Variants in PHACTR2 observed in about 807,000 individuals in gnomAD.
PHACTR2 encodes the protein phosphatase and actin regulator 2.
PHACTR2 carries 30 observed loss-of-function variants against 76.0 expected under a neutral mutation model. That is an observed-to-expected ratio of 0.39 (90% CI 0.30 to 0.54). PHACTR2 has a LOEUF of 0.54. PHACTR2 is among the 20% of genes least tolerant of loss of function. PHACTR2 has a pLI of 0.61. For synonymous variants in PHACTR2, 292 were observed against 292.5 expected (o/e 1.00, Z 0.02); for missense variants, 696 against 781.1 (o/e 0.89, Z 1.30).
rs977386387 is a variant in PHACTR2 at position 143,541,244 on chromosome 6, C to A, written c.217+4037C>A. On this transcript the variant is annotated intron_variant, in intron 1 of 11. Coordinates refer to the PHACTR2 transcript ENST00000367584. This position sits in a 1 kb window ranked among gnomAD's most constrained non-coding sequence, Gnocchi z 5.3. Reference sequence around the variant, plus strand: ...GTTCGGTATTAAGGAGCTTTGATAACTTTTTAGTGGTTTCTGATGTGCTGT... The same window carrying A: ...GTTCGGTATTAAGGAGCTTTGATAAATTTTTAGTGGTTTCTGATGTGCTGT... 6.6e-6 allele frequency among the ~76,000 whole-genome samples: 1 copy of A among 152,114 alleles called. No individual in the cohort carries two copies. Among genetic ancestry groups the A allele is most frequent in the Non-Finnish European group, 1.5e-5 (1 of 68,024 alleles).
chr6:143,608,473 G>A lies in PHACTR2; in HGVS notation c.13+151G>A. On this transcript the variant is annotated intron_variant, in intron 1 of 11. Transcript: ENST00000305766. The surrounding 1 kb of genome is among the most constrained non-coding windows in gnomAD (Gnocchi z 4.6). ...TGTAATATGTGAACCCCGATGCATT[G>A]TCCACAAGACAATTAGTGTTTACTT... 9.3e-6 allele frequency: 7 copies of A among 756,336 alleles called. No individual in the cohort carries two copies. Among genetic ancestry groups the A allele is most frequent in the Middle Eastern group, 3.2e-4 (1 of 3,148 alleles). The allele number at this position is 756,336 out of a possible 1,614,324, so 46.9% of individuals were successfully genotyped here. A position where few individuals can be genotyped will look rare whatever the true frequency, so the allele number is the denominator to read the frequency against.
In PHACTR2 at chr6:143,767,314, GT is replaced by G. The variant is rs144263561; in HGVS notation, c.1232+1520del. On this transcript the variant is annotated intron_variant, in intron 6 of 12. Coordinates refer to ENST00000440869, the MANE Select transcript of PHACTR2 (RefSeq NM_001100164.2). This position sits in a 1 kb window ranked among gnomAD's most constrained non-coding sequence, Gnocchi z 4.4. ...CCATGCTCTGAATGAATAATTTCAT[GT>G]TTTCCAAAGCAGTGGCTTCTACTTC... Among the ~76,000 whole-genome samples, 1,144 of 152,200 alleles carry G rather than the reference GT, an allele frequency of 7.5e-3. 12 individuals carry two copies. The highest frequency in any genetic ancestry group is 0.027 in the African/African-American group (1,102 of 41,542).
At position 143,755,492 on chromosome 6, in the gene PHACTR2, T is replaced by C. The variant is rs1779277796; in HGVS notation, c.454+1580T>C. 2 of 386,016 alleles carry C rather than the reference T, an allele frequency of 5.2e-6. No individual in the cohort carries two copies. Among genetic ancestry groups the C allele is most frequent in the Non-Finnish European group, 5.2e-6 (1 of 193,912 alleles). The allele number at this position is 386,016 out of a possible 1,614,324, so 23.9% of individuals were successfully genotyped here. On this transcript the variant is annotated intron_variant, in intron 4 of 12. Transcript: ENST00000440869. This position sits in a 1 kb window ranked among gnomAD's most constrained non-coding sequence, Gnocchi z 5.2. ...CATAATAAAAAGTTCCTGACAGTTT[T>C]ATATGAATTAACCAACAGACCTTGA... is the stretch of plus-strand genomic sequence containing the variant.
rs187950606 is a variant in PHACTR2, at chr6:143,800,070, T to G, written c.1846-6987T>G. On this transcript the variant is annotated intron_variant, in intron 11 of 12. Coordinates refer to ENST00000440869, the MANE Select transcript of PHACTR2 (RefSeq NM_001100164.2). The surrounding 1 kb of genome is among the most constrained non-coding windows in gnomAD (Gnocchi z 4.8). Reference sequence around the variant, plus strand: ...CTTTATGAATCTGGTGCTCGTGTACTGGATGCATATATATTTAGGATAGTT... The same window carrying G: ...CTTTATGAATCTGGTGCTCGTGTACGGGATGCATATATATTTAGGATAGTT... 6.6e-6 allele frequency among the ~76,000 whole-genome samples: 1 copy of G among 152,358 alleles called. No individual in the cohort carries two copies. The highest frequency in any genetic ancestry group is 2.4e-5 in the African/African-American group (1 of 41,586).
intron 9 of PHACTR2, among the ~76,000 whole-genome samples, chr6:143,779,710 T>A (rs1384811706): frequency 3.3e-5 from 5 of 151,962 alleles, no homozygotes; most frequent in Non-Finnish European, 7.4e-5. Flanking sequence ...CATTCAACAA[T>A]TTTTAGAGCC....
intron 1 of PHACTR2, among the ~76,000 whole-genome samples, chr6:143,642,534 A>T (rs1007024500): frequency 1.3e-5 from 2 of 152,162 alleles, no homozygotes; most frequent in African/African-American, 4.8e-5. Flanking sequence ...ACAGCCTTGC[A>T]TGTTGAAGTC....
intron 6 of PHACTR2, among the ~76,000 whole-genome samples, chr6:143,771,208 A>ATATATATG (rs1673940960): frequency 3.7e-5 from 3 of 80,434 alleles, no homozygotes; most frequent in African/African-American, 2.1e-4. Context: ...ATATATATAT[A>ATATATATG]TATATATATA....
chr6:143,814,620 T>TA (rs1776258488), intron 12 of PHACTR2, among the ~76,000 whole-genome samples: 3 of 120,916 alleles, frequency 2.5e-5, no homozygotes, highest in African/African-American at 9.4e-5. Context: ...TTTTTTTTTT[T>TA]AAGACGGAGT....
In PHACTR2 at chr6:143,757,420, CAAG is replaced by C. The variant is rs1324012919; in HGVS notation, c.455-2977_455-2975del. ...TTTATGAACTAAGACATGAAGGAAACAAGAAGGAGGTCATCAAGTGAAGCAGAG... is the reference window on the plus strand; with the variant it reads ...TTTATGAACTAAGACATGAAGGAAACAAGGAGGTCATCAAGTGAAGCAGAG... On this transcript the variant is annotated intron_variant, in intron 4 of 12. Transcript: ENST00000440869. This position sits in a 1 kb window ranked among gnomAD's most constrained non-coding sequence, Gnocchi z 4.2. 6.6e-6 allele frequency among the ~76,000 whole-genome samples: 1 copy of C among 152,190 alleles called. No individual in the cohort carries two copies. The highest frequency in any genetic ancestry group is 2.4e-5 in the African/African-American group (1 of 41,446).
At chr6:143,725,612 G>A (rs1778547425) in intron 2 of PHACTR2, among the ~76,000 whole-genome samples, 1 of 151,720 alleles carries the variant, frequency 6.6e-6, no homozygotes, top group Non-Finnish European at 1.5e-5. Flanking sequence ...CTGGGCAGGT[G>A]GATCACGAGG....
At position 143,599,063 on chromosome 6, in the gene PHACTR2, A is replaced by G. The variant is rs1386533143; in HGVS notation, c.217+61856A>G. Among the ~76,000 whole-genome samples, 1 of 152,218 alleles carries G rather than the reference A, an allele frequency of 6.6e-6. No homozygotes were observed. Among genetic ancestry groups the G allele is most frequent in the Non-Finnish European group, 1.5e-5 (1 of 68,034 alleles). On this transcript the variant is annotated intron_variant, in intron 1 of 11. Transcript: ENST00000367584. The surrounding 1 kb of genome is among the most constrained non-coding windows in gnomAD (Gnocchi z 4.6). Reference sequence around the variant, plus strand: ...AGTTAAATCAGTCAGGCATTTATTGATGACCCTCTGGGTACTCAGCGCTTT... The same window carrying G: ...AGTTAAATCAGTCAGGCATTTATTGGTGACCCTCTGGGTACTCAGCGCTTT...
In PHACTR2 at chr6:143,825,386, A is replaced by G. The variant is rs1470441457; in HGVS notation, c.*1697A>G. ...AAATGTTAATGCCAGTTGGCCTACTATAAAAAGCCAGGACCATGTTAGAAT... is the reference window on the plus strand; with the variant it reads ...AAATGTTAATGCCAGTTGGCCTACTGTAAAAAGCCAGGACCATGTTAGAAT... On this transcript the variant is annotated 3_prime_UTR_variant, in exon 13 of 13. Transcript: ENST00000440869. The surrounding 1 kb of genome is among the most constrained non-coding windows in gnomAD (Gnocchi z 4.1). The G allele has an allele frequency of 3.9e-5, 6 of 152,234 alleles. No homozygotes were observed. The highest frequency in any genetic ancestry group is 5.9e-5 in the Non-Finnish European group (4 of 68,034). The allele number at this position is 152,234 out of a possible 1,614,324, so 9.4% of individuals were successfully genotyped here.
rs144961122 is a variant in PHACTR2 at position 143,624,343 on chromosome 6, G to A, written c.13+16021G>A. Among the ~76,000 whole-genome samples the A allele has an allele frequency of 9.0e-3, 1,372 of 152,202 alleles. 19 individuals are homozygous for A. The highest frequency in any genetic ancestry group is 0.029 in the African/African-American group (1,194 of 41,518). ...GCTGGTCTCGAACTCCTGACCTCAGGTGATCCACCCACCTTGGCCTCCTAA... is the reference window on the plus strand; with the variant it reads ...GCTGGTCTCGAACTCCTGACCTCAGATGATCCACCCACCTTGGCCTCCTAA... On this transcript the variant is annotated intron_variant, in intron 1 of 11. Coordinates refer to the PHACTR2 transcript ENST00000305766. The surrounding 1 kb of genome is among the most constrained non-coding windows in gnomAD (Gnocchi z 4.6).
chr6:143,628,921 GGAGATATATATA>G (rs1776306812), intron 1 of PHACTR2, among the ~76,000 whole-genome samples: 1 of 40,324 alleles, frequency 2.5e-5, no homozygotes, highest in Non-Finnish European at 5.1e-5. Flanking sequence ...TTTAAATGCA[GGAGATATATATA>G]TATATATATA....
chr6:143,686,167 A>G (rs2128454670), intron 1 of PHACTR2, among the ~76,000 whole-genome samples: 1 of 151,636 alleles, frequency 6.6e-6, no homozygotes, highest in East Asian at 1.9e-4. Flanking sequence ...GACTACACTT[A>G]GACCCAGTAG....
At chr6:143,740,939 C>A (rs1383912720) in intron 2 of PHACTR2, among the ~76,000 whole-genome samples, 1 of 152,218 alleles carries the variant, frequency 6.6e-6, no homozygotes, top group East Asian at 1.9e-4. Flanking sequence ...ATACCCTTAT[C>A]TGAGGAGGAA....
At chr6:143,687,599 T>A (rs1035915332) in intron 1 of PHACTR2, among the ~76,000 whole-genome samples, 1 of 152,096 alleles carries the variant, frequency 6.6e-6, no homozygotes, top group African/African-American at 2.4e-5. Context: ...AATGGGCAAA[T>A]CACATTACTT....
Position 143,748,975 on chromosome 6 carries a change from T to G in PHACTR2, c.215-10T>G. Reference sequence around the variant, plus strand: ...ACTTGATTCTTACTTGTGCTTGTTCTTTTTAAAAGTATTAGAAAGGAAGAT... The same window carrying G: ...ACTTGATTCTTACTTGTGCTTGTTCGTTTTAAAAGTATTAGAAAGGAAGAT... On this transcript the variant is annotated splice_polypyrimidine_tract_variant and intron_variant, in intron 2 of 12. Transcript: ENST00000440869. The G allele has an allele frequency of 1.4e-6, 2 of 1,420,600 alleles. No homozygotes were observed. Among genetic ancestry groups the G allele is most frequent in the Non-Finnish European group, 2.0e-6 (2 of 1,010,348 alleles). 88.0% of individuals were successfully genotyped at this position (1,420,600 alleles called of 1,614,324 possible).
intron 1 of PHACTR2, among the ~76,000 whole-genome samples, chr6:143,615,590 T>C (rs1164218566): frequency 6.6e-6 from 1 of 152,172 alleles, no homozygotes; most frequent in African/African-American, 2.4e-5. Flanking sequence ...TGCTTTTTGA[T>C]AGAGCCCACC....
Sources: allele counts gnomAD v4.1 joint callset (sites outside exome capture counted in the v4.1 genomes callset), GRCh38; gene constraint gnomAD v4.1.1; non-coding constraint Gnocchi (gnomAD v3.1); transcripts MANE v1.5; gene names NCBI Gene and HGNC (gene_info 2026-07-23, HGNC 2026-07-21).